Variants in RBFOX1 observed in about 807,000 individuals in gnomAD.
The protein encoded by RBFOX1 is RNA binding fox-1 homolog 1, also known as RNA binding protein fox-1 homolog 1.
Under a neutral mutation model 57.7 loss-of-function variants are expected in RBFOX1, and 8 were observed. The ratio of observed to expected loss-of-function variants is 0.14; its 90% CI spans 0.08 to 0.25. The LOEUF is 0.25. Among genes scored for constraint, RBFOX1 ranks in the 10% least tolerant of loss-of-function variants. The pLI, the probability that RBFOX1 is intolerant of heterozygous loss-of-function variation, is 1.00. For missense variants in RBFOX1, 611 were observed against 548.5 expected, an observed-to-expected ratio of 1.11 and a Z score of -1.14; for synonymous variants, 326 against 222.4, an observed-to-expected ratio of 1.47 and a Z score of -4.15.
rs542617125 is a variant in RBFOX1 at position 7,169,657 on chromosome 16, A to G, written c.27+117559A>G. ...ACAGAAATTCAGAGTGAATGACAGA[A>G]CCAAATTTTGGTGCAGGGTTTACTA... is the stretch of plus-strand genomic sequence containing the variant. On this transcript the variant is annotated intron_variant, in intron 4 of 15. Transcript: ENST00000550418. Among the ~76,000 whole-genome samples, 158 of 152,354 alleles carry G rather than the reference A, an allele frequency of 1.0e-3. 6 individuals carry two copies. In the South Asian group the frequency reaches 0.031, roughly 30 times the overall value.
chr16:7,100,754 C>G (rs540702420), intron 4 of RBFOX1, among the ~76,000 whole-genome samples: 1 of 152,080 alleles, frequency 6.6e-6, no homozygotes, highest in East Asian at 1.9e-4. Context: ...GAAAAAAGAT[C>G]CAATGGCCGT....
At chr16:5,466,122 G>A (rs547311839) in intron 1 of RBFOX1, among the ~76,000 whole-genome samples, 22 of 152,236 alleles carry the variant, frequency 1.4e-4, no homozygotes, top group Non-Finnish European at 2.5e-4. Flanking sequence ...GTGGGAAATC[G>A]TCTTGTTCAA....
chr16:6,291,003 C>T (rs139774517), intron 1 of RBFOX1, among the ~76,000 whole-genome samples: 1,688 of 152,240 alleles, frequency 0.011, 40 homozygotes, highest in African/African-American at 0.038. Context: ...ATATGCCAAA[C>T]AAGGGGTGTA....
intron 4 of RBFOX1, among the ~76,000 whole-genome samples, chr16:7,396,326 CG>C (rs1255301487): frequency 6.6e-6 from 1 of 152,136 alleles, no homozygotes; most frequent in Non-Finnish European, 1.5e-5. Flanking sequence ...ACAGTGTAAA[CG>C]GGCATACCTC....
At chr16:7,674,114 A>T (rs566699198) in intron 13 of RBFOX1, among the ~76,000 whole-genome samples, 1 of 152,360 alleles carries the variant, frequency 6.6e-6, no homozygotes, top group African/African-American at 2.4e-5. Context: ...GTACACATAC[A>T]CTGAGTTAAT....
At chr16:7,657,502 A>T (rs1241455179) in intron 12 of RBFOX1, among the ~76,000 whole-genome samples, 1 of 152,084 alleles carries the variant, frequency 6.6e-6, no homozygotes, top group Admixed American at 6.6e-5. Context: ...ATGGGGTTTC[A>T]CCATTTTGGC....
At chr16:7,116,845 AG>A (rs2066013585) in intron 4 of RBFOX1, among the ~76,000 whole-genome samples, 1 of 152,124 alleles carries the variant, frequency 6.6e-6, no homozygotes, top group Non-Finnish European at 1.5e-5. Context: ...CATCCCCTCA[AG>A]GGTTTTGCAG....
intron 3 of RBFOX1, among the ~76,000 whole-genome samples, chr16:6,824,658 T>A (rs116180662): frequency 6.6e-6 from 1 of 152,210 alleles, no homozygotes; most frequent in African/African-American, 2.4e-5. Context: ...AAAGAGGTTC[T>A]TGGATTCATC....
intron 2 of RBFOX1, among the ~76,000 whole-genome samples, chr16:6,321,293 G>A (rs2081759598): frequency 6.6e-6 from 1 of 152,108 alleles, no homozygotes; most frequent in Non-Finnish European, 1.5e-5. Flanking sequence ...ATACTGTATT[G>A]TTGTATGGGA....
chr16:6,857,269 G>A (rs117676666), intron 3 of RBFOX1, among the ~76,000 whole-genome samples: 1,788 of 152,062 alleles, frequency 0.012, 20 homozygotes, highest in Non-Finnish European at 0.019. Context: ...TAAATAAATC[G>A]CAAACTTATT....
chr16:6,909,035 G>T (rs1313234218), intron 3 of RBFOX1, among the ~76,000 whole-genome samples: 1 of 152,068 alleles, frequency 6.6e-6, no homozygotes, highest in African/African-American at 2.4e-5. Context: ...TCTTATTGTT[G>T]CTATAACTAA....
chr16:7,348,316 C>G (rs146242065), intron 4 of RBFOX1, among the ~76,000 whole-genome samples: 3 of 152,162 alleles, frequency 2.0e-5, no homozygotes, highest in Non-Finnish European at 4.4e-5. Context: ...CTTATCTACT[C>G]TCATCGTATT....
intron 4 of RBFOX1, among the ~76,000 whole-genome samples, chr16:7,435,317 G>A (rs1598364456): frequency 6.6e-6 from 1 of 152,036 alleles, no homozygotes; most frequent in Non-Finnish European, 1.5e-5. Context: ...TGAGACTGGA[G>A]TTATGGGTTA....
intron 3 of RBFOX1, among the ~76,000 whole-genome samples, chr16:6,672,442 GAGAAA>G (rs939254002): frequency 2.1e-4 from 29 of 141,296 alleles, no homozygotes; most frequent in African/African-American, 6.0e-4. Flanking sequence ...AGAAAAGAAA[GAGAAA>G]AGAAAGGAAA....
intron 1 of RBFOX1, among the ~76,000 whole-genome samples, chr16:6,083,176 T>G (rs772631232): frequency 2.6e-5 from 4 of 152,068 alleles, no homozygotes; most frequent in Non-Finnish European, 5.9e-5. Flanking sequence ...TAAGTTTTTG[T>G]ATTTTTAGTG....
intron 1 of RBFOX1, among the ~76,000 whole-genome samples, chr16:5,421,005 CTCCT>C (rs2067309135): frequency 1.4e-5 from 2 of 145,340 alleles, no homozygotes; most frequent in Non-Finnish European, 1.5e-5. Flanking sequence ...CCTCCTCCTC[CTCCT>C]TCCTTCTTCT....
chr16:6,713,547 G>T (rs1025045413), intron 3 of RBFOX1, among the ~76,000 whole-genome samples: 1 of 151,994 alleles, frequency 6.6e-6, no homozygotes. Flanking sequence ...CCCCTCCCCA[G>T]TTGAGACAAC....
At chr16:7,268,456 C>T (rs557763189) in intron 4 of RBFOX1, among the ~76,000 whole-genome samples, 1 of 152,252 alleles carries the variant, frequency 6.6e-6, no homozygotes, top group African/African-American at 2.4e-5. Flanking sequence ...GTTCCTCTGC[C>T]CAAATTGCTG....
chr16:5,756,763 G>A lies in RBFOX1; in HGVS notation c.319-110540G>A, dbSNP rs553967718. ...AAAGAGACCCCATGAAATCAATGGA[G>A]ATGTTACTTGCCAGGGATCTTGGCA... On this transcript the variant is annotated intron_variant, in intron 3 of 19. Coordinates refer to the RBFOX1 transcript ENST00000641259. Among the ~76,000 whole-genome samples, 122 of 152,292 alleles carry A rather than the reference G, an allele frequency of 8.0e-4. 1 individual carries two copies. Among genetic ancestry groups the A allele is most frequent in the African/African-American group, 2.8e-3 (115 of 41,560 alleles).
Sources: gnomAD v4.1 joint callset for allele counts (sites outside exome capture counted in the v4.1 genomes callset) on GRCh38, gnomAD v4.1.1 for gene constraint, MANE v1.5 for transcripts, NCBI Gene and HGNC (gene_info 2026-07-23, HGNC 2026-07-21) for gene names.